The following SLC29A4 variants were observed in gnomAD, a reference collection of about 807,000 sequenced individuals.
The protein encoded by SLC29A4 is equilibrative nucleoside transporter 4.
A neutral mutation model predicts 43.9 loss-of-function variants in SLC29A4; 36 were observed. The observed-to-expected ratio is 0.82, with a 90% CI of 0.63 to 1.08. SLC29A4 has a LOEUF of 1.08. SLC29A4 is among the 50% of genes least tolerant of loss of function. The pLI, the probability that SLC29A4 is intolerant of heterozygous loss-of-function variation, is 0.00. For missense variants in SLC29A4, 869 were observed against 755.3 expected (o/e 1.15, Z -1.77); for synonymous variants, 491 against 338.0 (o/e 1.45, Z -4.97).
chr7:5,295,088 C>T (rs1165354878), intron 6 of SLC29A4, among the ~76,000 whole-genome samples, 154 bp downstream of exon 6: 2 of 152,118 alleles, frequency 1.3e-5, no homozygotes, highest in African/African-American at 4.8e-5. Flanking sequence ...ACCATCTTTC[C>T]TGGCCTGGCT....
Position 5,303,989 on chromosome 7 carries a change from CTG to C in SLC29A4, c.*1054_*1055del, listed in dbSNP as rs1786352257. On this transcript the variant is annotated 3_prime_UTR_variant, in exon 11 of 11. Coordinates refer to ENST00000396872, the MANE Select transcript of SLC29A4 (RefSeq NM_153247.4). The stretch of plus-strand genomic sequence containing the variant: ...CTGTGACTGCCCTGTTTCACCCCTG[CTG>C]TGTCCCATCCCCCGTCTGTCCACTA... The C allele has an allele frequency of 6.6e-6, 1 of 152,406 alleles. No homozygotes were observed. The highest frequency in any genetic ancestry group is 1.5e-5 in the Non-Finnish European group (1 of 68,168). 9.4% of individuals were successfully genotyped at this position (152,406 alleles called of 1,614,324 possible).
intron 7 of SLC29A4, 79 bp downstream of exon 7, chr7:5,297,277 G>T: frequency 1.4e-6 from 2 of 1,411,488 alleles, no homozygotes; most frequent in Non-Finnish European, 9.3e-7. Flanking sequence ...AGTACCTGGG[G>T]CCCAGCCTCT....
At chr7:5,290,701 GC>G in intron 2 of SLC29A4, 30 bp from the exon 3 acceptor site, 1 of 1,590,022 alleles carries the variant, frequency 6.3e-7, no homozygotes, top group Admixed American at 1.7e-5. Context: ...CGTGGAGCGT[GC>G]CCCGTCTCAC....
Position 5,290,633 on chromosome 7 carries a change from G to A in SLC29A4, c.170-99G>A, listed in dbSNP as rs950531458. On this transcript the variant is annotated intron_variant, in intron 2 of 10. Transcript: ENST00000396872. ...GCAGGGGTCACGGTGATGGACAGTGGCTATGGTGATGGCGGCCGGGGTGGT... is the reference window on the plus strand; with the variant it reads ...GCAGGGGTCACGGTGATGGACAGTGACTATGGTGATGGCGGCCGGGGTGGT... 2.0e-6 allele frequency: 3 copies of A among 1,477,636 alleles called. No homozygotes were observed. The African/African-American group carries it at 4.2e-5, about 20-fold the overall frequency. 91.5% of individuals were successfully genotyped at this position (1,477,636 alleles called of 1,614,324 possible). A position where few individuals can be genotyped will look rare whatever the true frequency, so the allele number is the denominator to read the frequency against.
rs897201388 is a variant in SLC29A4 at position 5,283,064 on chromosome 7, C to T, written c.-27C>T. On this transcript the variant is annotated 5_prime_UTR_variant, in exon 1 of 11. Coordinates refer to ENST00000396872, the MANE Select transcript of SLC29A4 (RefSeq NM_153247.4). ...GGCGTGGCGGGCGCGCCGAGGACCC[C>T]AGGCCGGGCCGGGCCGAGGTAAGCG... is the stretch of plus-strand genomic sequence containing the variant. 4 of 147,092 alleles carry T rather than the reference C, an allele frequency of 2.7e-5. No homozygotes were observed. The highest frequency in any genetic ancestry group is 7.4e-5 in the African/African-American group (3 of 40,618). The allele number at this position is 147,092 out of a possible 1,614,324, so 9.1% of individuals were successfully genotyped here.
In SLC29A4 at chr7:5,299,524, G is replaced by C. The variant is rs191005262; in HGVS notation, c.1209+97G>C. 4.4e-5 allele frequency: 57 copies of C among 1,302,060 alleles called. No homozygotes were observed. The African/African-American group carries it at 7.9e-4, about 18-fold the overall frequency. 80.7% of individuals were successfully genotyped at this position (1,302,060 alleles called of 1,614,324 possible). ...CCGGGAAGGGTTCTGAGTGAAGGAT[G>C]CATGTGGCTCCCAGGTGGAAAGGGC... is the stretch of plus-strand genomic sequence containing the variant. On this transcript the variant is annotated intron_variant, in intron 9 of 10. Transcript: ENST00000396872.
At chr7:5,289,175 A>T (rs6959030) in intron 2 of SLC29A4, among the ~76,000 whole-genome samples, 124,475 of 152,044 alleles carry the variant, frequency 0.82, 51,462 homozygotes, top group African/African-American at 0.89. Flanking sequence ...GGCCGGAGGA[A>T]CACTTGAGCC....
At position 5,294,888 on chromosome 7, in the gene SLC29A4, G is replaced by C. The variant is rs761262412; in HGVS notation, c.573G>C (p.Thr191=). 2.5e-6 allele frequency: 4 copies of C among 1,612,128 alleles called. No homozygotes were observed. The Admixed American group carries it at 5.0e-5, about 20-fold the overall frequency. The change falls in exon 6 of 11, where the codon ACG becomes ACC. Residue 191 remains threonine, a synonymous_variant. Coordinates refer to ENST00000396872, the MANE Select transcript of SLC29A4 (RefSeq NM_153247.4). ...TVQQSSFYGY[T]GMLPKRYTQG... is the part of the protein sequence containing the mutation. ...AGCAATCCAGCTTCTACGGGTACAC[G>C]GGGATGCTGCCCAAGCGGTACACGC...
At position 5,306,877 on chromosome 7, in the gene SLC29A4, T is replaced by TAAAA. The variant is rs33960126; in HGVS notation, c.*3946_*3949dup. 6.8e-6 allele frequency: 1 copy of TAAAA among 146,974 alleles called. No homozygotes were observed. The highest frequency in any genetic ancestry group is 2.0e-4 in the East Asian group (1 of 5,114). 9.1% of individuals were successfully genotyped at this position (146,974 alleles called of 1,614,324 possible). On this transcript the variant is annotated 3_prime_UTR_variant, in exon 11 of 11. Transcript: ENST00000396872. The stretch of plus-strand genomic sequence containing the variant: ...AACAAACAAAATTCCAAAAGAAACA[T>TAAAA]AAAAAAAAAAACCAATAATTCCCCC...
chr7:5,298,140 G>C (rs928532646), intron 7 of SLC29A4, among the ~76,000 whole-genome samples: 4 of 152,200 alleles, frequency 2.6e-5, no homozygotes, highest in African/African-American at 9.6e-5. Flanking sequence ...CCTTGATCCA[G>C]TGAGTCACCT....
chr7:5,291,288 C>T (rs765100275), intron 4 of SLC29A4, 51 bp downstream of exon 4: 4 of 1,536,394 alleles, frequency 2.6e-6, no homozygotes, highest in Non-Finnish European at 2.7e-6. Flanking sequence ...TTCCACCTGC[C>T]TGGCCGGTCA....
At chr7:5,300,289 G>T (rs1038781600) in intron 9 of SLC29A4, 133 bp from the exon 10 acceptor site, 9 of 1,359,000 alleles carry the variant, frequency 6.6e-6, no homozygotes, top group Non-Finnish European at 9.1e-6. Context: ...ATCCGGAGAA[G>T]GGCAGGGGTG....
At chr7:5,293,933 C>T (rs1217236898) in intron 5 of SLC29A4, among the ~76,000 whole-genome samples, 1 of 152,004 alleles carries the variant, frequency 6.6e-6, no homozygotes, top group East Asian at 1.9e-4. Flanking sequence ...AGTGAAACCC[C>T]GTCTCTACTA....
At chr7:5,291,994 C>A (rs1475456077) in intron 5 of SLC29A4, among the ~76,000 whole-genome samples, 173 bp downstream of exon 5, 1 of 152,246 alleles carries the variant, frequency 6.6e-6, no homozygotes, top group African/African-American at 2.4e-5. Flanking sequence ...CCACAGGAGC[C>A]TGTGTAGTGT....
chr7:5,296,808 G>GA, intron 6 of SLC29A4, 128 bp from the exon 7 acceptor site: 2 of 1,082,924 alleles, frequency 1.8e-6, no homozygotes, highest in Non-Finnish European at 2.5e-6. Flanking sequence ...CCTGTGGGTG[G>GA]GGGCAGGGCC....
chr7:5,292,628 C>T (rs1188861161), intron 5 of SLC29A4, among the ~76,000 whole-genome samples: 3 of 150,280 alleles, frequency 2.0e-5, no homozygotes, highest in Non-Finnish European at 4.4e-5. Flanking sequence ...GATGTCATCA[C>T]CTTTCTTGCC....
At chr7:5,301,371 C>T (rs1227244812) in intron 10 of SLC29A4, among the ~76,000 whole-genome samples, 4 of 151,906 alleles carry the variant, frequency 2.6e-5, no homozygotes, top group African/African-American at 9.7e-5. Context: ...GAGTCAGGCT[C>T]GGGAGCCAGC....
chr7:5,299,270 G>A lies in SLC29A4; in HGVS notation c.1052G>A (p.Arg351Gln), dbSNP rs746652680. 1.9e-5 allele frequency: 30 copies of A among 1,611,982 alleles called. No homozygotes were observed. The highest frequency in any genetic ancestry group is 8.8e-5 in the South Asian group (8 of 91,022). Residue 351 changes from arginine to glutamine, a missense_variant, in exon 9 of 11, where the codon CGG (arginine) becomes CAG (glutamine). Transcript: ENST00000396872. ...ALLLHRYVVA[R>Q]VIWADMLSIA... Reference sequence around the variant, plus strand: ...TTACTGCACCGCTACGTGGTGGCGCGGGTGATCTGGGCCGACATGCTCTCC... The same window carrying A: ...TTACTGCACCGCTACGTGGTGGCGCAGGTGATCTGGGCCGACATGCTCTCC...
chr7:5,296,876 G>C, intron 6 of SLC29A4, 60 bp from the exon 7 acceptor site: 2 of 1,400,636 alleles, frequency 1.4e-6, no homozygotes, highest in South Asian at 2.7e-5. Context: ...GCTGGGGCGG[G>C]ACGGGGCGGT....
Sources: gnomAD v4.1 joint callset for allele counts (sites outside exome capture counted in the v4.1 genomes callset) on GRCh38, gnomAD v4.1.1 for gene constraint, MANE v1.5 for transcripts, NCBI Gene and HGNC (gene_info 2026-07-23, HGNC 2026-07-21) for gene names.